Variants in MYO7A observed in about 807,000 individuals in gnomAD.
The protein encoded by MYO7A is myosin VIIA.
MYO7A carries 210 observed loss-of-function variants against 263.8 expected under a neutral mutation model. The observed-to-expected ratio is 0.80, with a 90% CI of 0.71 to 0.89. MYO7A has a LOEUF of 0.89. Among genes scored for constraint, MYO7A ranks in the 40% least tolerant of loss-of-function variants. The pLI is 0.00. For missense variants in MYO7A, 2,820 were observed against 2,968.3 expected, an observed-to-expected ratio of 0.95 and a Z score of 1.16; for synonymous variants, 1,239 against 1,197.3, an observed-to-expected ratio of 1.03 and a Z score of -0.72.
At chr11:77,170,942 C>T (rs11607721) in intron 15 of MYO7A, among the ~76,000 whole-genome samples, 35,703 of 152,102 alleles carry the variant, frequency 0.23, 4,989 homozygotes, top group Non-Finnish European at 0.29. Context: ...GCTGGAGCAA[C>T]GGGAAGGTGG....
Position 77,179,917 on chromosome 11 carries a change from G to C in MYO7A, c.2550G>C (p.Met850Ile). 1 of 1,534,380 alleles carries C rather than the reference G, an allele frequency of 6.5e-7. No individual in the cohort carries two copies. Among genetic ancestry groups the C allele is most frequent in the Non-Finnish European group, 8.7e-7 (1 of 1,143,260 alleles). Reference sequence around the variant, plus strand: ...CCGTGCAGGCCTATGCCCGGGGCATGATCGCCCGCAGGCTGCACCAACGCC... The same window carrying C: ...CCGTGCAGGCCTATGCCCGGGGCATCATCGCCCGCAGGCTGCACCAACGCC... ...VLTVQAYARG[M>I]IARRLHQRLR... Residue 850 changes from methionine to isoleucine, a missense_variant, in exon 21 of 49, where the codon ATG (methionine) becomes ATC (isoleucine). Coordinates refer to ENST00000409709, the MANE Select transcript of MYO7A (RefSeq NM_000260.4).
chr11:77,140,792 G>C (rs1365118255), intron 2 of MYO7A, among the ~76,000 whole-genome samples: 1 of 152,214 alleles, frequency 6.6e-6, no homozygotes, highest in Non-Finnish European at 1.5e-5. Context: ...TCAGTAAACA[G>C]TTCTCTTCCA....
At chr11:77,213,066 G>C (rs557646994) in intron 47 of MYO7A, 31 bp downstream of exon 47, 3 of 1,530,568 alleles carry the variant, frequency 2.0e-6, no homozygotes, top group Non-Finnish European at 8.9e-7. Flanking sequence ...AAGTGGGGGC[G>C]GGCTTCTCTG....
chr11:77,190,960 A>G, intron 30 of MYO7A, 90 bp downstream of exon 30: 2 of 1,382,308 alleles, frequency 1.4e-6, no homozygotes, highest in South Asian at 2.8e-5. Context: ...TGCCGGGGCT[A>G]TTCACCCTTG....
At position 77,175,369 on chromosome 11, in the gene MYO7A, C is replaced by T. The variant is rs1693948332; in HGVS notation, c.2095-3C>T. ...TCCCTTGTGTTCCCCATCCTCACTC[C>T]AGGGCGACCTCCGCGGGACTTGCCA... is the stretch of plus-strand genomic sequence containing the variant. On this transcript the variant is annotated splice_region_variant and splice_polypyrimidine_tract_variant and intron_variant, in intron 17 of 48. Coordinates refer to ENST00000409709, the MANE Select transcript of MYO7A (RefSeq NM_000260.4). 5.0e-6 allele frequency: 8 copies of T among 1,612,742 alleles called. No homozygotes were observed. Among genetic ancestry groups the T allele is most frequent in the African/African-American group, 1.3e-5 (1 of 74,858 alleles).
At chr11:77,149,241 T>C (rs1364781530) in intron 4 of MYO7A, among the ~76,000 whole-genome samples, 3 of 149,488 alleles carry the variant, frequency 2.0e-5, no homozygotes, top group African/African-American at 7.4e-5. Context: ...GGGACCCCCC[T>C]GATGCAGGGC....
chr11:77,148,034 C>G (rs1177052057), intron 4 of MYO7A, 84 bp downstream of exon 4: 2 of 1,241,720 alleles, frequency 1.6e-6, no homozygotes, highest in South Asian at 3.3e-5. Flanking sequence ...CGACTTGCCT[C>G]CGGCCCCGCC....
rs782323145 is a variant in MYO7A at position 77,158,251 on chromosome 11, C to T, written c.850-26C>T. 2.2e-5 allele frequency: 34 copies of T among 1,562,740 alleles called. 3 individuals carry two copies. In the African/African-American group the frequency reaches 2.4e-4, roughly 11 times the overall value. ...GGGGGTACACTGACGTCCTCTTGCA[C>T]CCCACTCTCCCACCCTGCCCACCAG... On this transcript the variant is annotated intron_variant, in intron 8 of 48. Coordinates refer to ENST00000409709, the MANE Select transcript of MYO7A (RefSeq NM_000260.4).
intron 36 of MYO7A, 37 bp from the exon 37 acceptor site, chr11:77,202,263 G>A (rs766942388): frequency 6.4e-7 from 1 of 1,553,584 alleles, no homozygotes; most frequent in Admixed American, 1.9e-5. Context: ...GCCACAGGTA[G>A]AGAGCTGACC....
chr11:77,155,414 A>G (rs1247657882), intron 4 of MYO7A, among the ~76,000 whole-genome samples: 2 of 152,114 alleles, frequency 1.3e-5, no homozygotes, highest in East Asian at 3.9e-4. Context: ...CACTTACCCC[A>G]GCTCCTTCAG....
chr11:77,175,474 G>C lies in MYO7A; in HGVS notation c.2187+10G>C, dbSNP rs781901819. On this transcript the variant is annotated intron_variant, in intron 18 of 48. Coordinates refer to ENST00000409709, the MANE Select transcript of MYO7A (RefSeq NM_000260.4). ...CAAGATCTTTCTGAAGGTGAGCACA[G>C]ATGCCTTCCCTGGGCTGCCCTGGGG... is the stretch of plus-strand genomic sequence containing the variant. 1 of 1,612,546 alleles carries C rather than the reference G, an allele frequency of 6.2e-7. No homozygotes were observed. The highest frequency in any genetic ancestry group is 1.1e-5 in the South Asian group (1 of 91,078).
intron 3 of MYO7A, 34 bp from the exon 4 acceptor site, chr11:77,147,764 C>T: frequency 6.2e-7 from 1 of 1,603,356 alleles, no homozygotes; most frequent in Non-Finnish European, 8.5e-7. Context: ...GCCTGGGCCC[C>T]AGGAGAGCAC....
chr11:77,201,036 G>T (rs1257119914), intron 35 of MYO7A, among the ~76,000 whole-genome samples: 2 of 152,230 alleles, frequency 1.3e-5, no homozygotes, highest in Non-Finnish European at 2.9e-5. Flanking sequence ...TGCCGACTGG[G>T]GTCCAGGGAG....
At chr11:77,147,984 C>G in intron 4 of MYO7A, 34 bp downstream of exon 4, 1 of 1,492,714 alleles carries the variant, frequency 6.7e-7, no homozygotes, top group Non-Finnish European at 8.9e-7. Flanking sequence ...CCGTCCAGGC[C>G]CCCTCAGGCC....
chr11:77,203,662 A>G (rs1025743203), intron 38 of MYO7A, among the ~76,000 whole-genome samples: 4 of 152,066 alleles, frequency 2.6e-5, no homozygotes, highest in Admixed American at 6.5e-5. Flanking sequence ...GGAGTGTTCC[A>G]GAGAGAGGGA....
chr11:77,211,004 G>A, intron 44 of MYO7A, 148 bp from the exon 45 acceptor site: 2 of 700,560 alleles, frequency 2.9e-6, no homozygotes, highest in East Asian at 5.5e-5. Flanking sequence ...TCCCCTGGGG[G>A]AGCAGTGTCA....
chr11:77,161,595 C>T (rs1289386773), intron 12 of MYO7A, among the ~76,000 whole-genome samples: 3 of 152,206 alleles, frequency 2.0e-5, no homozygotes, highest in African/African-American at 7.2e-5. Flanking sequence ...ATATCAGTTC[C>T]CTTGCTGTTT....
chr11:77,131,998 T>C (rs922482321), intron 2 of MYO7A, among the ~76,000 whole-genome samples: 2 of 152,138 alleles, frequency 1.3e-5, no homozygotes, highest in Admixed American at 6.5e-5. Flanking sequence ...ATTAAAAGCC[T>C]CTTTTCCCAC....
intron 32 of MYO7A, 97 bp from the exon 33 acceptor site, chr11:77,197,384 C>A: frequency 4.5e-6 from 4 of 892,782 alleles, no homozygotes; most frequent in Non-Finnish European, 6.9e-6. Flanking sequence ...GTGCAGGAGC[C>A]CCAGGCTGCT....
Sources: allele counts gnomAD v4.1 joint callset (sites outside exome capture counted in the v4.1 genomes callset), GRCh38; gene constraint gnomAD v4.1.1; transcripts MANE v1.5; gene names NCBI Gene and HGNC (gene_info 2026-07-23, HGNC 2026-07-21).